The following TMEM229B variants were observed in gnomAD, a reference collection of about 807,000 sequenced individuals.
The protein encoded by TMEM229B is chromosome 14 open reading frame 83.
In TMEM229B, 6 loss-of-function variants were observed where a neutral mutation model predicts 13.7. The observed-to-expected ratio is 0.44, with a 90% CI of 0.24 to 0.86. The LOEUF is 0.86. Ranked by LOEUF, TMEM229B falls within the 40% of genes least tolerant of loss-of-function variation. The probability of loss-of-function intolerance (pLI) is 0.23; values close to 1 mark genes in which losing one functional copy is unlikely to be tolerated. For synonymous variants in TMEM229B, 107 were observed against 102.1 expected, an observed-to-expected ratio of 1.05 and a Z score of -0.29; for missense variants, 170 against 236.0, an observed-to-expected ratio of 0.72 and a Z score of 1.83.
rs2030615374 is a variant in TMEM229B at position 67,470,293 on chromosome 14, T to C, written c.*3127A>G. On this transcript the variant is annotated 3_prime_UTR_variant, in exon 3 of 3. Coordinates refer to ENST00000554480, the MANE Select transcript of TMEM229B (RefSeq NM_001348543.2). ...CTGGAACACAAACACCAGTATATTTTATGTGCACAAATGTGAAAAGGAAGA... is the reference window on the plus strand; with the variant it reads ...CTGGAACACAAACACCAGTATATTTCATGTGCACAAATGTGAAAAGGAAGA... The C allele has an allele frequency of 6.6e-6, 1 of 152,178 alleles. No homozygotes were observed. The highest frequency in any genetic ancestry group is 2.4e-5 in the African/African-American group (1 of 41,432). The allele number at this position is 152,178 out of a possible 1,614,324, so 9.4% of individuals were successfully genotyped here.
At chr14:67,522,412 C>G (rs1042958371) in intron 1 of TMEM229B, among the ~76,000 whole-genome samples, 1 of 152,106 alleles carries the variant, frequency 6.6e-6, no homozygotes, top group East Asian at 1.9e-4. Context: ...GAAGCTTAGT[C>G]GTCTGAGGGG....
chr14:67,521,150 T>C (rs745750227), intron 1 of TMEM229B, among the ~76,000 whole-genome samples: 1 of 152,214 alleles, frequency 6.6e-6, no homozygotes, highest in Non-Finnish European at 1.5e-5. Flanking sequence ...TTGAATAATA[T>C]CACTTCTTAT....
upstream of TMEM229B, among the ~76,000 whole-genome samples, chr14:67,518,334 G>A (rs1198128585): frequency 6.6e-6 from 1 of 152,198 alleles, no homozygotes; most frequent in Non-Finnish European, 1.5e-5. Context: ...ACTTTTCTCA[G>A]CCTATTTTTC....
At chr14:67,480,304 G>A (rs1387278972) in intron 2 of TMEM229B, among the ~76,000 whole-genome samples, 3 of 151,992 alleles carry the variant, frequency 2.0e-5, no homozygotes, top group Admixed American at 6.6e-5. Context: ...CCAAGCTAGC[G>A]AGCCAAGAAA....
intron 1 of TMEM229B, among the ~76,000 whole-genome samples, chr14:67,487,546 G>T (rs537834814): frequency 6.6e-6 from 1 of 152,098 alleles, no homozygotes; most frequent in African/African-American, 2.4e-5. Context: ...TCTCAAGGGC[G>T]GTCAGAACCT....
chr14:67,482,545 G>T (rs1281059545), intron 2 of TMEM229B, among the ~76,000 whole-genome samples: 1 of 152,192 alleles, frequency 6.6e-6, no homozygotes, highest in Non-Finnish European at 1.5e-5. Flanking sequence ...CATCACTACA[G>T]TTCCATGTTC....
rs774387384 is a variant in TMEM229B at position 67,473,468 on chromosome 14, C to A, written c.456G>T (p.Glu152Asp). 1.2e-6 allele frequency: 2 copies of A among 1,614,212 alleles called. No homozygotes were observed. The highest frequency in any genetic ancestry group is 1.7e-4 in the Middle Eastern group (1 of 6,058). The change falls in exon 3 of 3, where the codon GAG becomes GAT. Residue 152 changes from glutamate (E) to aspartate (D), a missense_variant. Transcript: ENST00000554480. The surrounding 1 kb of genome is among the most constrained non-coding windows in gnomAD (Gnocchi z 6.5). Reference sequence around the variant, plus strand: ...TGGCCAGGGCTAGGGCGCCGCTGGGCTCCCCGGGCTCAGCGTCCTTGTCGA... The same window carrying A: ...TGGCCAGGGCTAGGGCGCCGCTGGGATCCCCGGGCTCAGCGTCCTTGTCGA... Reference protein sequence around the residue: ...LRFDKDAEPGEPSGALALANG... With the variant: ...LRFDKDAEPGDPSGALALANG...
intron 1 of TMEM229B, among the ~76,000 whole-genome samples, chr14:67,496,035 A>G (rs143037809): frequency 2.0e-5 from 3 of 152,314 alleles, no homozygotes; most frequent in African/African-American, 7.2e-5. Flanking sequence ...GATAACGCAC[A>G]GCCAAACAGC....
At chr14:67,515,609 G>A (rs2033182845), upstream of TMEM229B, 1 of 152,432 alleles carries the variant, frequency 6.6e-6, no homozygotes, top group Non-Finnish European at 1.5e-5. Context: ...GGGCGCCTAG[G>A]AGCACGCCCC....
At chr14:67,518,220 C>T (rs945190659), upstream of TMEM229B, among the ~76,000 whole-genome samples, 5 of 152,108 alleles carry the variant, frequency 3.3e-5, no homozygotes, top group East Asian at 1.9e-4. Context: ...GCAAGAGGAG[C>T]GGTGTGGTGG....
Position 67,473,561 on chromosome 14 carries a change from G to T in TMEM229B, c.363C>A (p.Ala121=), listed in dbSNP as rs761336243. 5 of 1,613,552 alleles carry T rather than the reference G, an allele frequency of 3.1e-6. No individual in the cohort carries two copies. Among genetic ancestry groups the T allele is most frequent in the Admixed American group, 3.3e-5 (2 of 59,940 alleles). The change falls in exon 3 of 3, where the codon GCC becomes GCA. Residue 121 remains alanine (A), a synonymous_variant. Coordinates refer to ENST00000554480, the MANE Select transcript of TMEM229B (RefSeq NM_001348543.2). This position sits in a 1 kb window ranked among gnomAD's most constrained non-coding sequence, Gnocchi z 6.5. ...DFMGLITLEY[A]VPWFCGALIM... is the part of the protein sequence containing the mutation. The stretch of plus-strand genomic sequence containing the variant: ...TGAGGGCCCCGCAGAACCAGGGCAC[G>T]GCGTACTCCAGGGTGATGAGGCCCA...
rs571500352 is a variant in TMEM229B, at chr14:67,471,977, T to C, written c.*1443A>G. ...GAGGAGTGAGAGTCAGAGCCGGAAG[T>C]AGGCTGGAGTGAGTATTTCACCTGT... On this transcript the variant is annotated 3_prime_UTR_variant, in exon 3 of 3. Transcript: ENST00000554480. The C allele has an allele frequency of 5.2e-5, 8 of 152,416 alleles. No homozygotes were observed. The highest frequency in any genetic ancestry group is 4.6e-4 in the Admixed American group (7 of 15,306). 9.4% of individuals were successfully genotyped at this position (152,416 alleles called of 1,614,324 possible).
chr14:67,497,291 T>C (rs1044669195), intron 1 of TMEM229B, among the ~76,000 whole-genome samples: 1 of 152,094 alleles, frequency 6.6e-6, no homozygotes, highest in Non-Finnish European at 1.5e-5. Flanking sequence ...GGTCATCCCC[T>C]TTACAGAGAG....
At chr14:67,519,247 C>G (rs531558498), upstream of TMEM229B, among the ~76,000 whole-genome samples, 1 of 152,244 alleles carries the variant, frequency 6.6e-6, no homozygotes, top group South Asian at 2.1e-4. Flanking sequence ...CCAACTTTAG[C>G]TATCTTAAGT....
At chr14:67,527,774 G>A (rs867899865) in intron 1 of TMEM229B, among the ~76,000 whole-genome samples, 1 of 152,208 alleles carries the variant, frequency 6.6e-6, no homozygotes, top group African/African-American at 2.4e-5. Flanking sequence ...TTACAGTTAG[G>A]TGAGGCACAA....
intron 1 of TMEM229B, among the ~76,000 whole-genome samples, chr14:67,526,318 T>A (rs2033367037): frequency 6.6e-6 from 1 of 152,238 alleles, no homozygotes; most frequent in South Asian, 2.1e-4. Flanking sequence ...GCTTGGACTT[T>A]GTGCAGCGGC....
intron 1 of TMEM229B, among the ~76,000 whole-genome samples, chr14:67,504,303 C>T (rs942576908): frequency 2.0e-5 from 3 of 151,852 alleles, no homozygotes; most frequent in African/African-American, 4.8e-5. Flanking sequence ...CGTGAGCCAC[C>T]GTGCCCAGGC....
upstream of TMEM229B, among the ~76,000 whole-genome samples, chr14:67,516,902 T>C (rs2033212942): frequency 6.6e-6 from 1 of 152,240 alleles, no homozygotes; most frequent in African/African-American, 2.4e-5. Context: ...GCAGGAACTC[T>C]AGACTTCCCC....
chr14:67,491,706 C>T (rs940339649), upstream of TMEM229B, among the ~76,000 whole-genome samples: 1 of 152,194 alleles, frequency 6.6e-6, no homozygotes, highest in Non-Finnish European at 1.5e-5. Flanking sequence ...GTTCTTCTCA[C>T]GTGACTCAGA....
Sources: gnomAD v4.1 joint callset for allele counts (sites outside exome capture counted in the v4.1 genomes callset) on GRCh38, gnomAD v4.1.1 for gene constraint, Gnocchi (gnomAD v3.1) non-coding constraint, MANE v1.5 for transcripts, NCBI Gene and HGNC (gene_info 2026-07-23, HGNC 2026-07-21) for gene names.